Variants in SERPINA6 observed in about 807,000 individuals in gnomAD.
The protein encoded by SERPINA6 is serpin family A member 6.
In SERPINA6, 19 loss-of-function variants were observed where a neutral mutation model predicts 26.4. The ratio of observed to expected loss-of-function variants is 0.72; its 90% CI spans 0.50 to 1.06. The LOEUF is 1.06. Ranked by LOEUF, SERPINA6 falls within the 50% of genes least tolerant of loss-of-function variation. SERPINA6 has a pLI of 0.00. For missense variants in SERPINA6, 473 were observed against 504.0 expected, an observed-to-expected ratio of 0.94 and a Z score of 0.59; for synonymous variants, 196 against 199.4, an observed-to-expected ratio of 0.98 and a Z score of 0.14.
At chr14:94,321,826 T>A (rs1274217535) in intron 1 of SERPINA6, among the ~76,000 whole-genome samples, 2 of 152,232 alleles carry the variant, frequency 1.3e-5, no homozygotes, top group Non-Finnish European at 2.9e-5. Context: ...CTTTGGTCAC[T>A]GCCATACCTA....
intron 3 of SERPINA6, among the ~76,000 whole-genome samples, chr14:94,307,680 G>T (rs2180401): frequency 0.47 from 72,173 of 151,948 alleles, 18,319 homozygotes; most frequent in East Asian, 0.93. Flanking sequence ...CCCTAGCATC[G>T]CCCAGACACA....
chr14:94,309,039 A>T (rs1315280267), intron 3 of SERPINA6, among the ~76,000 whole-genome samples: 1 of 152,216 alleles, frequency 6.6e-6, no homozygotes, highest in Non-Finnish European at 1.5e-5. Flanking sequence ...TTGCTGACTC[A>T]CATCCTCAGC....
chr14:94,314,447 C>G lies in SERPINA6; in HGVS notation c.202G>C (p.Val68Leu). Residue 68 changes from valine (V) to leucine (L), a missense_variant, in exon 2 of 5, where the codon GTG becomes CTG. Val to Leu is a conservative substitution (Grantham distance 32). Coordinates refer to ENST00000341584, the MANE Select transcript of SERPINA6 (RefSeq NM_001756.4). ...ATAGCTAAGGCCATGGAGATGCTCA[C>G]AGGGGAGATGAAAATGTTCTTTTTG... The part of the protein sequence containing the change: ...SPKKNIFISP[V>L]SISMALAMLS... The G allele has an allele frequency of 2.5e-6, 4 of 1,614,160 alleles. No homozygotes were observed. Among genetic ancestry groups the G allele is most frequent in the Non-Finnish European group, 3.4e-6 (4 of 1,180,032 alleles).
intron 1 of SERPINA6, among the ~76,000 whole-genome samples, chr14:94,315,190 AT>A (rs1471489582): frequency 6.8e-6 from 1 of 146,468 alleles, no homozygotes; most frequent in Non-Finnish European, 1.5e-5. Context: ...GAATGAAGAA[AT>A]AAAAGACCTC....
rs1258914891 is a variant in SERPINA6, at chr14:94,314,079, A to G, written c.570T>C (p.Asp190=). ...GKIVDLFSGL[D]SPAILVLVNY... Reference sequence around the variant, plus strand: ...TGACCAGGACGAGGATGGCTGGGCTATCCAGCCCTGAAAACAAGTCGACAA... The same window carrying G: ...TGACCAGGACGAGGATGGCTGGGCTGTCCAGCCCTGAAAACAAGTCGACAA... Residue 190 remains aspartate, a synonymous_variant, in exon 2 of 5, where the codon GAT becomes GAC. Transcript: ENST00000341584. The G allele has an allele frequency of 6.2e-7, 1 of 1,614,126 alleles. No homozygotes were observed. Among genetic ancestry groups the G allele is most frequent in the South Asian group, 1.1e-5 (1 of 91,084 alleles).
Position 94,309,848 on chromosome 14 carries a change from C to G in SERPINA6, c.772G>C (p.Val258Leu), listed in dbSNP as rs778913169. 6.2e-7 allele frequency: 1 copy of G among 1,614,090 alleles called. No homozygotes were observed. Among genetic ancestry groups the G allele is most frequent in the Admixed American group, 1.7e-5 (1 of 60,008 alleles). Residue 258 changes from valine (V) to leucine (L), a missense_variant, in exon 3 of 5, where the codon GTG (valine) becomes CTG (leucine). By Grantham distance (32) the Val-to-Leu change is conservative. Transcript: ENST00000341584. ...ATGAAGAAGACAGTCCCATTGCCCA[C>G]GTAGTTCATCTGCACCAGCTGGCAG... Reference protein sequence around the residue: ...LPCQLVQMNYVGNGTVFFILP... With the variant: ...LPCQLVQMNYLGNGTVFFILP...
chr14:94,313,872 T>C (rs1197932355), intron 2 of SERPINA6, 164 bp downstream of exon 2: 1 of 849,734 alleles, frequency 1.2e-6, no homozygotes, highest in African/African-American at 1.7e-5. Context: ...TGTAAAATAA[T>C]ATAATTCCAC....
chr14:94,314,368 C>G lies in SERPINA6; in HGVS notation c.281G>C (p.Gly94Ala). Residue 94 changes from glycine to alanine, a missense_variant, in exon 2 of 5, where the codon GGT (glycine) becomes GCT (alanine). Transcript: ENST00000341584. ...CTCAGACCTCTCAGTGAGGTTGAAA[C>G]CCAGGCCCTGGAGAAGCTGGGCCCG... The part of the protein sequence containing the change: ...HTRAQLLQGL[G>A]FNLTERSETE... 1.2e-6 allele frequency: 2 copies of G among 1,614,142 alleles called. No individual in the cohort carries two copies. The highest frequency in any genetic ancestry group is 1.1e-5 in the South Asian group (1 of 91,072).
chr14:94,321,263 C>T (rs1895681810), intron 1 of SERPINA6, among the ~76,000 whole-genome samples: 1 of 152,078 alleles, frequency 6.6e-6, no homozygotes, highest in African/African-American at 2.4e-5. Context: ...TCTGCAGCTG[C>T]ATCTTTTTAA....
At chr14:94,314,746 A>G in intron 1 of SERPINA6, 79 bp from the exon 2 acceptor site, 1 of 1,390,388 alleles carries the variant, frequency 7.2e-7, no homozygotes, top group Non-Finnish European at 1.0e-6. Flanking sequence ...AGGCAGGCAA[A>G]AGACCCCATT....
intron 1 of SERPINA6, among the ~76,000 whole-genome samples, chr14:94,322,680 G>A (rs190492349): frequency 3.3e-5 from 5 of 152,192 alleles, no homozygotes; most frequent in African/African-American, 1.2e-4. Flanking sequence ...TGCCCTATGA[G>A]CCAGGCACAG....
At chr14:94,313,358 A>G (rs1895559361) in intron 2 of SERPINA6, among the ~76,000 whole-genome samples, 1 of 152,182 alleles carries the variant, frequency 6.6e-6, no homozygotes, top group African/African-American at 2.4e-5. Flanking sequence ...TGGCCTTGAG[A>G]TGGGCAGCCT....
At position 94,304,439 on chromosome 14, in the gene SERPINA6, C is replaced by G. The variant is rs761035992; in HGVS notation, c.1197G>C (p.Ala399=). Residue 399 remains alanine, a synonymous_variant, in exon 5 of 5, where the codon GCG becomes GCC. Coordinates refer to ENST00000341584, the MANE Select transcript of SERPINA6 (RefSeq NM_001756.4). ...DHFTWSSLFL[A]RVMNPV ...TCTCTTACACTGGGTTCATAACCCT[C>G]GCCAGGAAAAGGCTGCTCCAGGTGA... 1 of 1,613,980 alleles carries G rather than the reference C, an allele frequency of 6.2e-7. No homozygotes were observed. The highest frequency in any genetic ancestry group is 1.3e-5 in the African/African-American group (1 of 74,978).
intron 2 of SERPINA6, among the ~76,000 whole-genome samples, chr14:94,310,830 T>C (rs1216070143): frequency 6.6e-6 from 1 of 152,140 alleles, no homozygotes; most frequent in Non-Finnish European, 1.5e-5. Flanking sequence ...AGGTGACGTC[T>C]CCCCAGTCTT....
rs1162893169 is a variant in SERPINA6 at position 94,314,478 on chromosome 14, C to T, written c.171G>A (p.Leu57=). Residue 57 remains leucine, a synonymous_variant, in exon 2 of 5, where the codon TTG becomes TTA. Coordinates refer to ENST00000341584, the MANE Select transcript of SERPINA6 (RefSeq NM_001756.4). ...AFSLYKHLVA[L]SPKKNIFISP... ...AGATGAAAATGTTCTTTTTGGGACTCAAGGCCACTAGGTGCTTATACAGGC... is the reference window on the plus strand; with the variant it reads ...AGATGAAAATGTTCTTTTTGGGACTTAAGGCCACTAGGTGCTTATACAGGC... 6.2e-7 allele frequency: 1 copy of T among 1,614,200 alleles called. No homozygotes were observed. The highest frequency in any genetic ancestry group is 8.5e-7 in the Non-Finnish European group (1 of 1,180,038).
intron 4 of SERPINA6, among the ~76,000 whole-genome samples, chr14:94,305,736 A>G (rs1229571964): frequency 6.6e-6 from 1 of 152,082 alleles, no homozygotes; most frequent in Non-Finnish European, 1.5e-5. Flanking sequence ...GACATTTACC[A>G]CTTTTCCTGT....
intron 2 of SERPINA6, chr14:94,313,764 A>G: frequency 8.4e-6 from 5 of 593,470 alleles, no homozygotes; most frequent in Non-Finnish European, 9.2e-6. Flanking sequence ...TGGAGCATGA[A>G]GCAGCCAGAC....
At position 94,306,213 on chromosome 14, in the gene SERPINA6, A is replaced by G. The variant is rs1488818353; in HGVS notation, c.890T>C (p.Val297Ala). 1.2e-6 allele frequency: 2 copies of G among 1,614,158 alleles called. No homozygotes were observed. Among genetic ancestry groups the G allele is most frequent in the South Asian group, 1.1e-5 (1 of 91,078 alleles). The change falls in exon 4 of 5, where the codon GTG (valine) becomes GCG (alanine). Residue 297 changes from valine (V) to alanine (A), a missense_variant. Transcript: ENST00000341584. The stretch of plus-strand genomic sequence containing the variant: ...GGTGACCTTTGGAATGTACAGGTCC[A>G]CCTGGCTGCTCGGGGTAAGCAGACA... ...RWSAGLTSSQVDLYIPKVTIS... is the reference protein window; with the variant it reads ...RWSAGLTSSQADLYIPKVTIS...
At chr14:94,310,218 T>C (rs1299557355) in intron 2 of SERPINA6, among the ~76,000 whole-genome samples, 1 of 152,182 alleles carries the variant, frequency 6.6e-6, no homozygotes, top group Admixed American at 6.5e-5. Flanking sequence ...GAGGATGAGC[T>C]CTGTTTCTGA....
Sources: gnomAD v4.1 joint callset for allele counts (sites outside exome capture counted in the v4.1 genomes callset) on GRCh38, gnomAD v4.1.1 for gene constraint, MANE v1.5 for transcripts, NCBI Gene and HGNC (gene_info 2026-07-23, HGNC 2026-07-21) for gene names.